Variants in TAPBPL observed in about 807,000 individuals in gnomAD.
The protein encoded by TAPBPL is tapasin-related protein.
TAPBPL carries 32 observed loss-of-function variants against 44.8 expected under a neutral mutation model. The ratio of observed to expected loss-of-function variants is 0.71; its 90% CI spans 0.54 to 0.96. The LOEUF is 0.96. Among genes scored for constraint, TAPBPL ranks in the 40% least tolerant of loss-of-function variants. The probability of loss-of-function intolerance (pLI) is 0.00; values close to 1 mark genes in which losing one functional copy is unlikely to be tolerated. For missense variants in TAPBPL, 520 were observed against 586.6 expected (o/e 0.89, Z 1.17); for synonymous variants, 230 against 240.7 (o/e 0.96, Z 0.41).
chr12:6,460,817 C>T (rs2243977), intron 5 of TAPBPL, 38 bp from the exon 6 acceptor site: 460,354 of 1,604,406 alleles, frequency 0.29, 68,157 homozygotes, highest in East Asian at 0.34. Context: ...ATGATTCCTG[C>T]GCACGATGAT....
In TAPBPL at chr12:6,458,898, C is replaced by A. The variant is rs1408315539; in HGVS notation, c.1158C>A (p.His386Gln). ...AGATYTCQVT[H>Q]ISLEEPLGAS... is the part of the protein sequence containing the mutation. Reference sequence around the variant, plus strand: ...CCACTTACACCTGCCAGGTCACACACATCTCTCTGGAGGAGCCCCTTGGGG... The same window carrying A: ...CCACTTACACCTGCCAGGTCACACAAATCTCTCTGGAGGAGCCCCTTGGGG... Residue 386 changes from histidine to glutamine, a missense_variant, in exon 5 of 7, where the codon CAC becomes CAA. Transcript: ENST00000266556. The A allele has an allele frequency of 1.9e-6, 3 of 1,614,088 alleles. No individual in the cohort carries two copies. Among genetic ancestry groups the A allele is most frequent in the Non-Finnish European group, 2.5e-6 (3 of 1,180,048 alleles).
At chr12:6,462,007 C>T in intron 6 of TAPBPL, 27 bp from the exon 7 acceptor site, 6 of 1,591,118 alleles carry the variant, frequency 3.8e-6, no homozygotes, top group Non-Finnish European at 5.2e-6. Flanking sequence ...GCCCACGCAA[C>T]TTCCTGTCTT....
intron 3 of TAPBPL, among the ~76,000 whole-genome samples, chr12:6,454,362 G>A (rs1949649875): frequency 6.6e-6 from 1 of 152,176 alleles, no homozygotes. Context: ...CAGCTACTCA[G>A]GAGACTGAGA....
downstream of TAPBPL, chr12:6,464,722 TC>T: frequency 6.6e-7 from 1 of 1,511,038 alleles, no homozygotes; most frequent in Non-Finnish European, 8.8e-7. Context: ...ATCAAAGAAA[TC>T]CCTTGTCTCT....
downstream of TAPBPL, chr12:6,464,516 G>A (rs760621733): frequency 1.3e-5 from 20 of 1,482,648 alleles, no homozygotes; most frequent in Admixed American, 1.3e-4. Flanking sequence ...AGTCCCAGAC[G>A]GAAAAGAGAA....
At position 6,452,260 on chromosome 12, in the gene TAPBPL, G is replaced by A. The variant is rs1160410522; in HGVS notation, c.12G>A (p.Gln4=). The A allele has an allele frequency of 4.4e-6, 7 of 1,573,816 alleles. No individual in the cohort carries two copies. The highest frequency in any genetic ancestry group is 6.0e-6 in the Non-Finnish European group (7 of 1,160,102). Residue 4 remains glutamine (Q), a synonymous_variant, in exon 1 of 7, where the codon CAG becomes CAA. Transcript: ENST00000266556. ...CGAGAGCAGCCTCCATGGGCACACA[G>A]GAGGGCTGGTGCCTGCTGCTCTGCC... MGT[Q]EGWCLLLCLA... is the part of the protein sequence containing the mutation.
At chr12:6,458,974 A>G in intron 5 of TAPBPL, 27 bp downstream of exon 5, 6 of 1,601,122 alleles carry the variant, frequency 3.7e-6, no homozygotes, top group Non-Finnish European at 1.7e-6. Context: ...CCTTTTCCCC[A>G]CCTCCACACT....
rs1221013951 is a variant in TAPBPL at position 6,458,862 on chromosome 12, C to T, written c.1122C>T (p.Gly374=). Residue 374 remains glycine (G), a synonymous_variant, in exon 5 of 7, where the codon GGC becomes GGT. Transcript: ENST00000266556. ...SISSSLTAEP[G]SAGATYTCQV... The stretch of plus-strand genomic sequence containing the variant: ...CCTCCTCTCTCACCGCAGAACCTGG[C>T]TCTGCAGGTGCCACTTACACCTGCC... 6.2e-7 allele frequency: 1 copy of T among 1,614,086 alleles called. No individual in the cohort carries two copies. Among genetic ancestry groups the T allele is most frequent in the African/African-American group, 1.3e-5 (1 of 74,924 alleles).
At chr12:6,470,930 T>A, downstream of TAPBPL, 1 of 265,692 alleles carries the variant, frequency 3.8e-6, no homozygotes, top group Non-Finnish European at 7.4e-6. Context: ...CGGGGCGGGG[T>A]GGAGATGAGG....
chr12:6,462,152 T>C lies in TAPBPL; in HGVS notation c.*3T>C. 1 of 1,592,546 alleles carries C rather than the reference T, an allele frequency of 6.3e-7. No homozygotes were observed. The highest frequency in any genetic ancestry group is 8.6e-7 in the Non-Finnish European group (1 of 1,166,392). The stretch of plus-strand genomic sequence containing the variant: ...CGCGTGTAAGCCAGCCCAGCTGACC[T>C]AAAGCGACATGAGACTACTAGAAAG... On this transcript the variant is annotated 3_prime_UTR_variant, in exon 7 of 7. Coordinates refer to ENST00000266556, the MANE Select transcript of TAPBPL (RefSeq NM_018009.5).
chr12:6,466,312 C>T (rs1238944014), downstream of TAPBPL: 2 of 1,614,096 alleles, frequency 1.2e-6, no homozygotes, highest in Non-Finnish European at 1.7e-6. Context: ...CTGGGGCAGT[C>T]CCTTCTGTCC....
downstream of TAPBPL, chr12:6,470,461 C>G (rs958943163): frequency 5.0e-6 from 8 of 1,610,160 alleles, no homozygotes; most frequent in South Asian, 5.5e-5. Context: ...TTTTCCGTCC[C>G]GCAGAATCGG....
In TAPBPL at chr12:6,459,162, G is replaced by A. The variant is rs146772168; in HGVS notation, c.1207+215G>A. 9.4e-3 allele frequency among the ~76,000 whole-genome samples: 1,425 copies of A among 152,310 alleles called. 17 individuals carry two copies. The highest frequency in any genetic ancestry group is 0.048 in the Middle Eastern group (14 of 294). On this transcript the variant is annotated intron_variant, in intron 5 of 6. Coordinates refer to ENST00000266556, the MANE Select transcript of TAPBPL (RefSeq NM_018009.5). Reference sequence around the variant, plus strand: ...ACTTCATTATACTCCAGCCTCCAGGGTGTCAGGCAATGTGCTTAAGGCTGG... The same window carrying A: ...ACTTCATTATACTCCAGCCTCCAGGATGTCAGGCAATGTGCTTAAGGCTGG...
chr12:6,466,274 T>A, downstream of TAPBPL: 1 of 1,614,160 alleles, frequency 6.2e-7, no homozygotes, highest in South Asian at 1.1e-5. Flanking sequence ...ACTGGTCATG[T>A]TAGGAGGAGG....
downstream of TAPBPL, chr12:6,462,841 C>T (rs542608112): frequency 1.2e-6 from 2 of 1,606,702 alleles, no homozygotes; most frequent in South Asian, 2.2e-5. Flanking sequence ...TTCAGTCCCG[C>T]CCTTGGGCAG....
downstream of TAPBPL, chr12:6,465,770 A>G: frequency 6.3e-7 from 1 of 1,575,338 alleles, no homozygotes; most frequent in Admixed American, 1.7e-5. Context: ...AGAAATGTAG[A>G]AGCTGAGGGT....
rs1230314767 is a variant in TAPBPL, at chr12:6,457,618, C to T, written c.778C>T (p.Leu260=). ...GGGCGCTACCCTGGAGCCTGCACAA[C>T]TGGGCATGGCCAGGGATGCCTCCCT... ...RKGATLEPAQ[L]GMARDASLTL... The change falls in exon 4 of 7, where the codon CTG becomes TTG. Residue 260 remains leucine (L), a synonymous_variant. Coordinates refer to ENST00000266556, the MANE Select transcript of TAPBPL (RefSeq NM_018009.5). The T allele has an allele frequency of 4.3e-6, 7 of 1,614,102 alleles. No individual in the cohort carries two copies. In the Admixed American group the frequency reaches 8.3e-5, roughly 19 times the overall value.
intron 3 of TAPBPL, among the ~76,000 whole-genome samples, chr12:6,455,439 C>T (rs1451609236): frequency 6.6e-6 from 1 of 152,098 alleles, no homozygotes; most frequent in Non-Finnish European, 1.5e-5. Context: ...TAAAATATTT[C>T]AGAACAAAAA....
chr12:6,456,356 A>G (rs1258648208), intron 3 of TAPBPL, among the ~76,000 whole-genome samples: 1 of 147,666 alleles, frequency 6.8e-6, no homozygotes, highest in African/African-American at 2.5e-5. Context: ...AGATACTACT[A>G]TCACATGCTT....
Sources: allele counts gnomAD v4.1 joint callset (sites outside exome capture counted in the v4.1 genomes callset), GRCh38; gene constraint gnomAD v4.1.1; transcripts MANE v1.5; gene names NCBI Gene and HGNC (gene_info 2026-07-23, HGNC 2026-07-21).